Variants in C1QTNF3 observed in about 807,000 individuals in gnomAD.
C1QTNF3 encodes complement C1q tumor necrosis factor-related protein 3.
C1QTNF3 carries 26 observed loss-of-function variants against 32.6 expected under a neutral mutation model. The observed-to-expected ratio is 0.80, with a 90% CI of 0.58 to 1.11. The LOEUF (loss-of-function observed/expected upper bound fraction) is 1.11. C1QTNF3 is among the 50% of genes least tolerant of loss of function. The pLI, the probability that C1QTNF3 is intolerant of heterozygous loss-of-function variation, is 0.00. For missense variants in C1QTNF3, 362 were observed against 398.2 expected, an observed-to-expected ratio of 0.91 and a Z score of 0.77; for synonymous variants, 155 against 146.0, an observed-to-expected ratio of 1.06 and a Z score of -0.44.
the C1QTNF3 span, among the ~76,000 whole-genome samples, chr5:34,213,750 T>C: frequency 8.1e-6 from 1 of 123,808 alleles, no homozygotes; most frequent in Non-Finnish European, 1.7e-5. Flanking sequence ...AGTGTGTGTA[T>C]ATATATATAC....
the C1QTNF3 span, among the ~76,000 whole-genome samples, chr5:34,127,944 G>A: frequency 6.6e-6 from 1 of 152,026 alleles, no homozygotes. Flanking sequence ...TAAATCAAGA[G>A]GATCCTGATG....
the C1QTNF3 span, among the ~76,000 whole-genome samples, chr5:34,172,197 AT>A: frequency 6.6e-6 from 1 of 151,962 alleles, no homozygotes; most frequent in African/African-American, 2.4e-5. Flanking sequence ...TGTACTATGT[AT>A]TTTTTTTCTA....
chr5:34,208,101 C>CT, the C1QTNF3 span, among the ~76,000 whole-genome samples: 1 of 152,078 alleles, frequency 6.6e-6, no homozygotes, highest in Non-Finnish European at 1.5e-5. Flanking sequence ...TGAGAAAGTG[C>CT]TTTTAAGCTC....
chr5:34,181,850 C>A, the C1QTNF3 span, among the ~76,000 whole-genome samples: 220 of 152,398 alleles, frequency 1.4e-3, 1 homozygote, highest in African/African-American at 5.1e-3. Context: ...GAGGCTCTGC[C>A]CTTCACTGGC....
upstream of C1QTNF3, among the ~76,000 whole-genome samples, chr5:34,047,170 G>A (rs1755000947): frequency 6.6e-6 from 1 of 152,220 alleles, no homozygotes; most frequent in Non-Finnish European, 1.5e-5. Context: ...GGCTGTGAAA[G>A]TTCACAAAAG....
At chr5:34,118,883 G>C in the C1QTNF3 span, among the ~76,000 whole-genome samples, 3 of 151,582 alleles carry the variant, frequency 2.0e-5, no homozygotes, top group Non-Finnish European at 2.9e-5. Flanking sequence ...CTTTCTTAGT[G>C]TTCACTATCT....
chr5:34,173,432 C>T, the C1QTNF3 span, among the ~76,000 whole-genome samples: 2 of 140,848 alleles, frequency 1.4e-5, no homozygotes, highest in East Asian at 2.0e-4. Context: ...ATCAGTTACA[C>T]ATAAAAACAT....
chr5:34,133,300 A>G, the C1QTNF3 span, among the ~76,000 whole-genome samples: 2 of 152,204 alleles, frequency 1.3e-5, no homozygotes, highest in Non-Finnish European at 2.9e-5. Flanking sequence ...TTTATAGGTC[A>G]TGATATCTCT....
At chr5:34,073,994 T>C in the C1QTNF3 span, among the ~76,000 whole-genome samples, 1 of 152,298 alleles carries the variant, frequency 6.6e-6, no homozygotes, top group African/African-American at 2.4e-5. Context: ...TTCGATAAAT[T>C]GGCACACTAT....
chr5:34,215,628 T>C, the C1QTNF3 span, among the ~76,000 whole-genome samples: 1 of 152,160 alleles, frequency 6.6e-6, no homozygotes, highest in Admixed American at 6.6e-5. Flanking sequence ...TTATTGTGAC[T>C]TTACTTTTTG....
Position 34,028,940 on chromosome 5 carries a change from T to A in C1QTNF3, c.571-57A>T, listed in dbSNP as rs75939859. ...CAATTTATCTTAAAGAAGTCAAGTT[T>A]TTATGCAGATTAGTTTGTTAAACAT... On this transcript the variant is annotated intron_variant, in intron 3 of 5. Coordinates refer to ENST00000382065, the MANE Select transcript of C1QTNF3 (RefSeq NM_181435.6). 470 of 1,493,664 alleles carry A rather than the reference T, an allele frequency of 3.1e-4. 6 individuals are homozygous for A. The East Asian group carries it at 0.01, about 32-fold the overall frequency. The allele number at this position is 1,493,664 out of a possible 1,614,324, so 92.5% of individuals were successfully genotyped here.
At chr5:34,041,163 A>G (rs1754864256) in intron 1 of C1QTNF3, among the ~76,000 whole-genome samples, 1 of 152,218 alleles carries the variant, frequency 6.6e-6, no homozygotes, top group Non-Finnish European at 1.5e-5. Context: ...GGAAGTAGGG[A>G]AAGAAGGAAG....
the C1QTNF3 span, among the ~76,000 whole-genome samples, chr5:34,137,747 C>T: frequency 6.6e-6 from 1 of 152,166 alleles, no homozygotes; most frequent in Non-Finnish European, 1.5e-5. Context: ...AATTAATTTA[C>T]ATTTGTATAA....
chr5:34,043,327 T>G (rs554203555), upstream of C1QTNF3: 2 of 584,312 alleles, frequency 3.4e-6, no homozygotes, highest in East Asian at 5.6e-5. Context: ...CATTCATCAT[T>G]TTCCCACACC....
the C1QTNF3 span, among the ~76,000 whole-genome samples, chr5:34,111,821 T>C: frequency 1.3e-5 from 2 of 152,278 alleles, no homozygotes; most frequent in South Asian, 2.1e-4. Flanking sequence ...GGGATGAAAG[T>C]AAAAAACAAG....
At chr5:34,122,545 C>T in the C1QTNF3 span, among the ~76,000 whole-genome samples, 1 of 152,160 alleles carries the variant, frequency 6.6e-6, no homozygotes, top group Admixed American at 6.5e-5. Context: ...GGAAGAGTGG[C>T]CTGGTTCCTC....
the C1QTNF3 span, among the ~76,000 whole-genome samples, chr5:34,101,446 G>A: frequency 2.0e-5 from 3 of 151,758 alleles, no homozygotes; most frequent in Non-Finnish European, 2.9e-5. Flanking sequence ...AGTGCTTGGC[G>A]CATTTCTTGG....
the C1QTNF3 span, among the ~76,000 whole-genome samples, chr5:34,054,939 G>A: frequency 6.6e-6 from 1 of 152,102 alleles, no homozygotes; most frequent in East Asian, 1.9e-4. Context: ...GGATTTGAAT[G>A]TCAGCAATAG....
At chr5:34,213,497 A>G in the C1QTNF3 span, among the ~76,000 whole-genome samples, 1 of 151,774 alleles carries the variant, frequency 6.6e-6, no homozygotes, top group East Asian at 1.9e-4. Flanking sequence ...GGATTACATC[A>G]TAAAGGCAGA....
Sources: allele counts gnomAD v4.1 joint callset (sites outside exome capture counted in the v4.1 genomes callset), GRCh38; gene constraint gnomAD v4.1.1; transcripts MANE v1.5; gene names NCBI Gene and HGNC (gene_info 2026-07-23, HGNC 2026-07-21).